The following ZNF521 variants were observed in gnomAD, a reference collection of about 807,000 sequenced individuals.
ZNF521 encodes the protein LYST-interacting protein 3.
ZNF521 carries 14 observed loss-of-function variants against 105.5 expected under a neutral mutation model. The observed-to-expected ratio is 0.13, with a 90% confidence interval of 0.09 to 0.21. ZNF521 has a LOEUF of 0.21. ZNF521 is among the 10% of genes least tolerant of loss of function. ZNF521 has a pLI of 1.00. For synonymous variants in ZNF521, 635 were observed against 606.0 expected, an observed-to-expected ratio of 1.05 and a Z score of -0.70; for missense variants, 1,233 against 1,629.7, an observed-to-expected ratio of 0.76 and a Z score of 4.19.
intron 5 of ZNF521, among the ~76,000 whole-genome samples, chr18:25,117,481 C>T (rs1322572428): frequency 2.0e-5 from 3 of 151,912 alleles, no homozygotes; most frequent in African/African-American, 7.2e-5. Flanking sequence ...GAACTAGCAT[C>T]CAAGGATTTT....
intron 6 of ZNF521, 79 bp from the exon 7 acceptor site, chr18:25,089,659 C>A: frequency 8.6e-7 from 1 of 1,164,862 alleles, no homozygotes; most frequent in Non-Finnish European, 1.3e-6. Flanking sequence ...CATGAACAGA[C>A]AGCAGGCCGG....
chr18:25,260,610 G>C (rs1908842284), intron 3 of ZNF521, among the ~76,000 whole-genome samples: 3 of 152,186 alleles, frequency 2.0e-5, no homozygotes. Context: ...ACTATTGCTA[G>C]TAATAGTAAC....
chr18:25,330,204 G>T (rs535486858), intron 2 of ZNF521, among the ~76,000 whole-genome samples: 1 of 151,064 alleles, frequency 6.6e-6, no homozygotes, highest in Non-Finnish European at 1.5e-5. Flanking sequence ...TCACTCTGTC[G>T]CCAGGCTGGA....
chr18:25,292,533 C>T (rs1282001852), intron 3 of ZNF521, among the ~76,000 whole-genome samples: 1 of 152,106 alleles, frequency 6.6e-6, no homozygotes, highest in Non-Finnish European at 1.5e-5. Context: ...TGACATGACA[C>T]AAAAGTAGCT....
chr18:25,207,321 G>A (rs1448725644), intron 4 of ZNF521, among the ~76,000 whole-genome samples: 3 of 140,044 alleles, frequency 2.1e-5, no homozygotes, highest in Non-Finnish European at 3.1e-5. Flanking sequence ...ATGGTGTGGC[G>A]GCTCATTTAC....
At chr18:25,188,126 C>G (rs1025351139) in intron 5 of ZNF521, among the ~76,000 whole-genome samples, 2 of 152,134 alleles carry the variant, frequency 1.3e-5, no homozygotes, top group Non-Finnish European at 2.9e-5. Flanking sequence ...CACACGGCTG[C>G]CCCATACAGA....
intron 5 of ZNF521, among the ~76,000 whole-genome samples, chr18:25,126,459 G>T (rs973664292): frequency 1.3e-5 from 2 of 152,042 alleles, no homozygotes; most frequent in Admixed American, 6.6e-5. Flanking sequence ...TATTCCCTCT[G>T]TAGTTTCAAT....
At chr18:25,303,203 C>T (rs1911740046) in intron 3 of ZNF521, among the ~76,000 whole-genome samples, 1 of 151,678 alleles carries the variant, frequency 6.6e-6, no homozygotes, top group African/African-American at 2.4e-5. Flanking sequence ...CCACTGAGTT[C>T]CCAAACCAGC....
chr18:25,229,453 G>A (rs1401590042), intron 3 of ZNF521, among the ~76,000 whole-genome samples: 1 of 152,096 alleles, frequency 6.6e-6, no homozygotes, highest in African/African-American at 2.4e-5. Context: ...ATAAGAAAGG[G>A]TCTGATGGAT....
chr18:25,230,833 A>C (rs1298266366), intron 3 of ZNF521, among the ~76,000 whole-genome samples: 3 of 152,186 alleles, frequency 2.0e-5, no homozygotes, highest in Admixed American at 6.5e-5. Flanking sequence ...GCTAGAAACC[A>C]GCTCTGTGGC....
rs1310822142 is a variant in ZNF521, at chr18:25,243,792, A to C, written c.221-16095T>G. Among the ~76,000 whole-genome samples the C allele has an allele frequency of 2.0e-5, 3 of 152,202 alleles. No individual in the cohort carries two copies. The East Asian group carries it at 5.8e-4, about 29-fold the overall frequency. ...TAAATTTTTTAAAATTATTGAAATA[A>C]GTTCTAATTAATGTAACTTGGTCTT... On this transcript the variant is annotated intron_variant, in intron 3 of 7. Transcript: ENST00000361524.
In ZNF521 at chr18:25,154,568, T is replaced by A. The variant is rs114517164; in HGVS notation, c.3658+40592A>T. On this transcript the variant is annotated intron_variant, in intron 5 of 7. Transcript: ENST00000361524. Reference sequence around the variant, plus strand: ...GTTGAGGTACCAACCTCATCCCAAGTGCTTTGGGGGAAGAAATTTTATTAG... The same window carrying A: ...GTTGAGGTACCAACCTCATCCCAAGAGCTTTGGGGGAAGAAATTTTATTAG... Among the ~76,000 whole-genome samples, 783 of 152,232 alleles carry A rather than the reference T, an allele frequency of 5.1e-3. 7 individuals are homozygous for A. Among genetic ancestry groups the A allele is most frequent in the African/African-American group, 0.018 (754 of 41,562 alleles).
At chr18:25,323,054 T>C (rs754362160) in intron 2 of ZNF521, among the ~76,000 whole-genome samples, 1 of 151,858 alleles carries the variant, frequency 6.6e-6, no homozygotes, top group Non-Finnish European at 1.5e-5. Context: ...AGTTACGCTG[T>C]CCTTTGAGTC....
intron 5 of ZNF521, among the ~76,000 whole-genome samples, chr18:25,180,730 C>T (rs904986507): frequency 2.0e-5 from 3 of 152,130 alleles, no homozygotes; most frequent in Non-Finnish European, 4.4e-5. Context: ...CACCATACTG[C>T]CAGCATTCCA....
At position 25,227,996 on chromosome 18, in the gene ZNF521, G is replaced by A. The variant is rs1264565632; in HGVS notation, c.221-299C>T. On this transcript the variant is annotated intron_variant, in intron 3 of 7. Coordinates refer to ENST00000361524, the MANE Select transcript of ZNF521 (RefSeq NM_015461.3). This position sits in a 1 kb window ranked among gnomAD's most constrained non-coding sequence, Gnocchi z 5.7. ...AGAAGCAAGGTATATATTACACATT[G>A]ACAATTTTATTAAAATGCAGATTTT... Among the ~76,000 whole-genome samples the A allele has an allele frequency of 6.6e-6, 1 of 152,018 alleles. No homozygotes were observed. The highest frequency in any genetic ancestry group is 2.4e-5 in the African/African-American group (1 of 41,380).
At chr18:25,173,223 C>A (rs948012082) in intron 5 of ZNF521, among the ~76,000 whole-genome samples, 3 of 152,188 alleles carry the variant, frequency 2.0e-5, no homozygotes, top group African/African-American at 7.2e-5. Flanking sequence ...TGGGCCTGTG[C>A]TAATTTACAT....
intron 4 of ZNF521, among the ~76,000 whole-genome samples, chr18:25,196,012 C>T (rs957382334): frequency 1.3e-5 from 2 of 151,692 alleles, no homozygotes; most frequent in African/African-American, 2.4e-5. Context: ...TGCTAGTAGG[C>T]TCTCTGATTT....
intron 5 of ZNF521, among the ~76,000 whole-genome samples, chr18:25,114,547 T>C (rs1230950959): frequency 1.3e-5 from 2 of 152,162 alleles, no homozygotes; most frequent in African/African-American, 4.8e-5. Flanking sequence ...TAAATAAGTA[T>C]TTCACTCAGG....
intron 2 of ZNF521, among the ~76,000 whole-genome samples, chr18:25,343,368 A>T (rs1212327505): frequency 6.6e-6 from 1 of 152,222 alleles, no homozygotes; most frequent in Non-Finnish European, 1.5e-5. Flanking sequence ...CATTATTAAC[A>T]CTTATATGGA....
Sources: gnomAD v4.1 joint callset for allele counts (sites outside exome capture counted in the v4.1 genomes callset) on GRCh38, gnomAD v4.1.1 for gene constraint, Gnocchi (gnomAD v3.1) non-coding constraint, MANE v1.5 for transcripts, NCBI Gene and HGNC (gene_info 2026-07-23, HGNC 2026-07-21) for gene names.